The following TRMT11 variants were observed in gnomAD, a reference collection of about 807,000 sequenced individuals.
The protein encoded by TRMT11 is tRNA methyltransferase 11, also known as tRNA (guanine(10)-N(2))-methyltransferase TRMT11.
A neutral mutation model predicts 62.8 loss-of-function variants in TRMT11; 53 were observed. The observed-to-expected ratio is 0.84, with a 90% confidence interval of 0.68 to 1.06. The LOEUF is 1.06. Ranked by LOEUF, TRMT11 falls within the 50% of genes least tolerant of loss-of-function variation. TRMT11 has a pLI of 0.00. For missense variants in TRMT11, 556 were observed against 553.4 expected (o/e 1.00, Z -0.05); for synonymous variants, 188 against 190.3 (o/e 0.99, Z 0.10).
the TRMT11 span, among the ~76,000 whole-genome samples, chr6:126,267,958 GC>G: frequency 2.6e-5 from 4 of 151,716 alleles, no homozygotes; most frequent in African/African-American, 7.3e-5. Context: ...GATTTTGCTA[GC>G]CCCAGAAGAT....
chr6:126,040,135 T>C (rs1349147999), downstream of TRMT11, among the ~76,000 whole-genome samples: 2 of 152,132 alleles, frequency 1.3e-5, no homozygotes, highest in Non-Finnish European at 2.9e-5. Flanking sequence ...TTTGAAACTT[T>C]GTCACTGACT....
chr6:126,119,780 A>G (rs1050741461), intron 21 of TRMT11, among the ~76,000 whole-genome samples: 20 of 152,280 alleles, frequency 1.3e-4, no homozygotes, highest in Admixed American at 3.3e-4. Context: ...TATTTATCAA[A>G]GGGATAAAGA....
chr6:126,123,922 CT>C (rs1347397809), intron 21 of TRMT11, among the ~76,000 whole-genome samples: 1 of 151,678 alleles, frequency 6.6e-6, no homozygotes, highest in Non-Finnish European at 1.5e-5. Context: ...AAAACTTAAG[CT>C]TTTGATTGAA....
intron 17 of TRMT11, among the ~76,000 whole-genome samples, chr6:126,107,357 T>C (rs183418399): frequency 3.6e-4 from 55 of 152,212 alleles, no homozygotes; most frequent in African/African-American, 1.3e-3. Flanking sequence ...TACTCGAAAA[T>C]CAAGCTGAAG....
intron 17 of TRMT11, among the ~76,000 whole-genome samples, chr6:126,062,969 C>A (rs1479137288): frequency 6.6e-6 from 1 of 152,096 alleles, no homozygotes; most frequent in Non-Finnish European, 1.5e-5. Context: ...TATCCTGTAT[C>A]ATCAGTACTC....
At chr6:126,010,897 TTATCTGATTCATAC>T (rs1437549763) in intron 8 of TRMT11, among the ~76,000 whole-genome samples, 7 of 152,056 alleles carry the variant, frequency 4.6e-5, no homozygotes, top group African/African-American at 1.7e-4. Context: ...TCTGTTTCAT[TTATCTGATTCATAC>T]TATCTCTACA....
At chr6:126,038,048 C>T (rs143579814) in intron 12 of TRMT11, among the ~76,000 whole-genome samples, 1 of 151,986 alleles carries the variant, frequency 6.6e-6, no homozygotes, top group Non-Finnish European at 1.5e-5. Flanking sequence ...CCTCAATTTT[C>T]TAAGCCAAAA....
chr6:126,225,561 A>G, the TRMT11 span, among the ~76,000 whole-genome samples: 1 of 151,742 alleles, frequency 6.6e-6, no homozygotes, highest in African/African-American at 2.4e-5. Flanking sequence ...CATCTAGTCC[A>G]CCATCTTGGC....
At chr6:126,181,935 C>A in intron 1 of TRMT11, among the ~76,000 whole-genome samples, 1 of 152,100 alleles carries the variant, frequency 6.6e-6, no homozygotes, top group East Asian at 1.9e-4. Flanking sequence ...CATAGCAAGT[C>A]ATCCTGTCAA....
At chr6:126,092,667 T>A (rs931318811) in intron 17 of TRMT11, among the ~76,000 whole-genome samples, 2 of 152,196 alleles carry the variant, frequency 1.3e-5, no homozygotes, top group Non-Finnish European at 2.9e-5. Flanking sequence ...TTTGTTCTTC[T>A]TGGTGATTGG....
At chr6:126,115,513 A>G (rs1019819502) in intron 20 of TRMT11, among the ~76,000 whole-genome samples, 2 of 152,120 alleles carry the variant, frequency 1.3e-5, no homozygotes, top group Non-Finnish European at 2.9e-5. Context: ...TTAGCCCTCA[A>G]AATATGTTCA....
In TRMT11 at chr6:126,038,650, G is replaced by A. The variant is rs569359178; in HGVS notation, c.1261-55G>A. ...TTTGCTTAAGGTAAACAACTGCTTT[G>A]GTATAAGCTAACTAAAGAAATAATT... On this transcript the variant is annotated intron_variant, in intron 12 of 12. Coordinates refer to ENST00000334379, the MANE Select transcript of TRMT11 (RefSeq NM_001031712.3). 9.4e-6 allele frequency: 14 copies of A among 1,484,638 alleles called. No homozygotes were observed. In the South Asian group the frequency reaches 1.8e-4, roughly 19 times the overall value. The allele number at this position is 1,484,638 out of a possible 1,614,324, so 92.0% of individuals were successfully genotyped here.
chr6:126,009,914 T>C (rs1191632695), intron 8 of TRMT11, among the ~76,000 whole-genome samples: 1 of 152,048 alleles, frequency 6.6e-6, no homozygotes, highest in Non-Finnish European at 1.5e-5. Context: ...CTGATTGAGG[T>C]AGTTCCCTTA....
intron 1 of TRMT11, among the ~76,000 whole-genome samples, chr6:125,989,861 C>G (rs901621144): frequency 2.0e-5 from 3 of 152,186 alleles, no homozygotes. Flanking sequence ...CCAAAACTGA[C>G]TCATTATTCC....
At chr6:126,042,323 T>A (rs1775904172), downstream of TRMT11, among the ~76,000 whole-genome samples, 1 of 152,158 alleles carries the variant, frequency 6.6e-6, no homozygotes, top group African/African-American at 2.4e-5. Flanking sequence ...CAAGTTGACA[T>A]TTAGACATAA....
chr6:126,082,269 T>C (rs1235180246), intron 17 of TRMT11, among the ~76,000 whole-genome samples: 4 of 152,162 alleles, frequency 2.6e-5, no homozygotes, highest in African/African-American at 9.7e-5. Context: ...ATTGTTTCTG[T>C]TTCTTTGAAC....
chr6:126,164,402 G>T (rs1276141122), intron 21 of TRMT11, among the ~76,000 whole-genome samples: 1 of 152,140 alleles, frequency 6.6e-6, no homozygotes, highest in East Asian at 1.9e-4. Flanking sequence ...CAATTATGTG[G>T]TCAGTTTTAG....
At chr6:126,222,288 TTCAGGC>T in the TRMT11 span, among the ~76,000 whole-genome samples, 2 of 152,332 alleles carry the variant, frequency 1.3e-5, no homozygotes, top group South Asian at 4.1e-4. Context: ...GCCTTAGCTA[TTCAGGC>T]TCTTTTTTGG....
At chr6:126,104,920 A>G (rs922174415) in intron 17 of TRMT11, among the ~76,000 whole-genome samples, 10 of 152,092 alleles carry the variant, frequency 6.6e-5, no homozygotes, top group African/African-American at 2.2e-4. Flanking sequence ...CATATTGCTT[A>G]TTTGTCATAC....
Sources: allele counts gnomAD v4.1 joint callset (sites outside exome capture counted in the v4.1 genomes callset), GRCh38; gene constraint gnomAD v4.1.1; transcripts MANE v1.5; gene names NCBI Gene and HGNC (gene_info 2026-07-23, HGNC 2026-07-21).